Variants in MCCC1 observed in about 807,000 individuals in gnomAD.
The protein encoded by MCCC1 is methylcrotonoyl-CoA carboxylase subunit alpha, mitochondrial.
In MCCC1, 64 loss-of-function variants were observed where a neutral mutation model predicts 83.8. The ratio of observed to expected loss-of-function variants is 0.76; its 90% confidence interval spans 0.62 to 0.94. MCCC1 has a LOEUF of 0.94. Ranked by LOEUF, MCCC1 falls within the 40% of genes least tolerant of loss-of-function variation. MCCC1 has a pLI of 0.00. For missense variants in MCCC1, 807 were observed against 904.7 expected (o/e 0.89, Z 1.39); for synonymous variants, 322 against 315.4 (o/e 1.02, Z -0.22).
At chr3:183,038,757 T>A (rs764875439) in intron 12 of MCCC1, among the ~76,000 whole-genome samples, 3 of 152,238 alleles carry the variant, frequency 2.0e-5, no homozygotes, top group Non-Finnish European at 4.4e-5. Context: ...ATAGCTGGCC[T>A]TATCTACAGA....
At chr3:183,073,527 A>C (rs1246568857) in intron 4 of MCCC1, among the ~76,000 whole-genome samples, 1 of 152,262 alleles carries the variant, frequency 6.6e-6, no homozygotes, top group Non-Finnish European at 1.5e-5. Context: ...GAAACTATGA[A>C]TACTACAGAA....
At chr3:183,114,131 C>T (rs375696790) in intron 1 of MCCC1, among the ~76,000 whole-genome samples, 2 of 152,146 alleles carry the variant, frequency 1.3e-5, no homozygotes, top group Admixed American at 1.3e-4. Flanking sequence ...GAGCTATATC[C>T]GCAGTGCCCA....
chr3:183,061,850 G>A (rs956125265), intron 7 of MCCC1, among the ~76,000 whole-genome samples: 1 of 152,148 alleles, frequency 6.6e-6, no homozygotes, highest in Non-Finnish European at 1.5e-5. Flanking sequence ...GTTCTACCAC[G>A]ATATGGTTTG....
intron 9 of MCCC1, among the ~76,000 whole-genome samples, chr3:183,046,353 AGTT>A (rs1002406501): frequency 5.3e-5 from 8 of 151,704 alleles, no homozygotes; most frequent in African/African-American, 1.9e-4. Context: ...TACAATGTAA[AGTT>A]GTTTTTAAAA....
chr3:183,099,112 CAG>C, intron 1 of MCCC1: 1 of 595,062 alleles, frequency 1.7e-6, no homozygotes, highest in Non-Finnish European at 3.0e-6. Context: ...AATGGAAAAA[CAG>C]AAGCCAAAGG....
Position 183,052,186 on chromosome 3 carries a change from C to G in MCCC1, c.928G>C (p.Ala310Pro). 10 of 1,614,100 alleles carry G rather than the reference C, an allele frequency of 6.2e-6. No homozygotes were observed. Among genetic ancestry groups the G allele is most frequent in the Non-Finnish European group, 8.5e-6 (10 of 1,179,984 alleles). ...GCTCCAACATAATTTACAGCTTTAG[C>G]AGCTCTGACTGCAGCTTCTCCCAGC... ...KKLGEAAVRA[A>P]KAVNYVGAGT... Residue 310 changes from alanine to proline, a missense_variant, in exon 9 of 19, where the codon GCT (alanine) becomes CCT (proline). Physicochemically the swap from Ala to Pro is conservative, Grantham distance 27. Transcript: ENST00000265594.
intron 14 of MCCC1, among the ~76,000 whole-genome samples, chr3:183,033,755 T>C (rs965396345): frequency 3.3e-5 from 5 of 152,202 alleles, no homozygotes; most frequent in Admixed American, 2.6e-4. Context: ...TTTTATGACA[T>C]ATTTTTAGAA....
intron 2 of MCCC1, among the ~76,000 whole-genome samples, chr3:183,092,780 A>G (rs1241168978): frequency 1.3e-5 from 2 of 152,246 alleles, no homozygotes; most frequent in Admixed American, 1.3e-4. Context: ...TAAACTTAAA[A>G]TACAAAGCAA....
chr3:183,044,658 T>G (rs552757287), intron 10 of MCCC1, among the ~76,000 whole-genome samples: 2 of 152,106 alleles, frequency 1.3e-5, no homozygotes, highest in African/African-American at 4.8e-5. Flanking sequence ...AGGTAGACCA[T>G]GAGGCTTTGA....
chr3:183,103,137 C>T (rs778065695), upstream of MCCC1, among the ~76,000 whole-genome samples: 21 of 150,888 alleles, frequency 1.4e-4, no homozygotes, highest in Admixed American at 3.3e-4. Flanking sequence ...CTGGTGGGTT[C>T]CTGGTCTCAC....
chr3:183,103,700 C>CTGGGGCTGCAGG (rs1447261043), upstream of MCCC1, among the ~76,000 whole-genome samples: 1 of 152,240 alleles, frequency 6.6e-6, no homozygotes, highest in African/African-American at 2.4e-5. Context: ...GGGTCCGGCA[C>CTGGGGCTGCAGG]TGGGGCTGCA....
chr3:183,083,234 A>AT (rs1717644738), intron 4 of MCCC1, among the ~76,000 whole-genome samples: 2 of 152,228 alleles, frequency 1.3e-5, no homozygotes, highest in Non-Finnish European at 1.5e-5. Context: ...TAAAGTCAAC[A>AT]TTAAAGGAAG....
In MCCC1 at chr3:183,026,985, T is replaced by C. The variant is rs1712659252; in HGVS notation, c.1682-1181A>G. ...CTATGTTTTTTACCTATTGAGTTTG[T>C]GGCAACACCATGTCAAGCATAATTT... On this transcript the variant is annotated intron_variant, in intron 14 of 18. Transcript: ENST00000265594. Among the ~76,000 whole-genome samples the C allele has an allele frequency of 4.6e-5, 7 of 152,380 alleles. No individual in the cohort carries two copies. The South Asian group carries it at 1.4e-3, about 32-fold the overall frequency.
intron 10 of MCCC1, among the ~76,000 whole-genome samples, chr3:183,042,911 C>T (rs1405503534): frequency 6.6e-6 from 1 of 152,230 alleles, no homozygotes; most frequent in East Asian, 1.9e-4. Context: ...GATTACAAAT[C>T]ACTCTACTAT....
At chr3:183,052,283 C>G (rs1285124624) in intron 8 of MCCC1, 43 bp from the exon 9 acceptor site, 2 of 1,558,004 alleles carry the variant, frequency 1.3e-6, no homozygotes, top group African/African-American at 2.7e-5. Context: ...AGTAGCTTGC[C>G]TTACTAGAAA....
Position 183,017,343 on chromosome 3 carries a change from G to A in MCCC1, c.1978-6C>T, listed in dbSNP as rs746808475. ...TCTCCAGCTTTGACAAACACCTTGA[G>A]ATTCAGTGTGACAGGTTAATATTTG... On this transcript the variant is annotated splice_polypyrimidine_tract_variant and splice_region_variant and intron_variant, in intron 17 of 18. Transcript: ENST00000265594. 1.2e-6 allele frequency: 2 copies of A among 1,613,450 alleles called. No individual in the cohort carries two copies. The highest frequency in any genetic ancestry group is 2.2e-5 in the South Asian group (2 of 91,086).
chr3:183,020,344 C>T, intron 16 of MCCC1, 107 bp from the exon 17 acceptor site: 1 of 944,424 alleles, frequency 1.1e-6, no homozygotes, highest in Non-Finnish European at 1.7e-6. Context: ...AAATATTAGT[C>T]ATCATGGCCA....
chr3:183,026,478 G>A (rs1175229681), intron 14 of MCCC1, among the ~76,000 whole-genome samples: 1 of 152,208 alleles, frequency 6.6e-6, no homozygotes, highest in Non-Finnish European at 1.5e-5. Flanking sequence ...TTGGGAGGCA[G>A]AGGAGTGGGG....
chr3:183,022,405 A>G lies in MCCC1; in HGVS notation c.1869+12T>C. ...ATGCCCCAGGAGGGATATTATAAAG[A>G]AGAGACATTACCTTGGAAAATAGGT... On this transcript the variant is annotated intron_variant, in intron 16 of 18. Coordinates refer to ENST00000265594, the MANE Select transcript of MCCC1 (RefSeq NM_020166.5). 6.2e-7 allele frequency: 1 copy of G among 1,613,898 alleles called. No homozygotes were observed. The highest frequency in any genetic ancestry group is 8.5e-7 in the Non-Finnish European group (1 of 1,179,810).
Sources: allele counts gnomAD v4.1 joint callset (sites outside exome capture counted in the v4.1 genomes callset), GRCh38; gene constraint gnomAD v4.1.1; transcripts MANE v1.5; gene names NCBI Gene and HGNC (gene_info 2026-07-23, HGNC 2026-07-21).